Variants in CNTN5 observed in about 807,000 individuals in gnomAD.
The protein encoded by CNTN5 is contactin-5.
A neutral mutation model predicts 129.1 loss-of-function variants in CNTN5; 77 were observed. The ratio of observed to expected loss-of-function variants is 0.60; its 90% CI spans 0.50 to 0.72. The LOEUF is 0.72. Among genes scored for constraint, CNTN5 ranks in the 30% least tolerant of loss-of-function variants. The pLI is 0.00. For missense variants in CNTN5, 1,478 were observed against 1,328.8 expected, an observed-to-expected ratio of 1.11 and a Z score of -1.75; for synonymous variants, 509 against 465.6, an observed-to-expected ratio of 1.09 and a Z score of -1.20.
intron 6 of CNTN5, among the ~76,000 whole-genome samples, chr11:99,872,488 G>T (rs1265426622): frequency 1.3e-5 from 2 of 151,998 alleles, no homozygotes; most frequent in Non-Finnish European, 2.9e-5. Context: ...ATTCCCTAAG[G>T]ACAGCAGTTG....
intron 8 of CNTN5, among the ~76,000 whole-genome samples, chr11:99,997,015 T>A (rs1939494364): frequency 6.6e-6 from 1 of 152,134 alleles, no homozygotes; most frequent in Non-Finnish European, 1.5e-5. Context: ...CTCCCAAATC[T>A]CACATTCTTT....
chr11:99,609,231 TG>T (rs145673750), intron 3 of CNTN5, among the ~76,000 whole-genome samples: 17,617 of 152,186 alleles, frequency 0.12, 1,222 homozygotes, highest in Non-Finnish European at 0.16. Context: ...GATGTCTCTT[TG>T]TATTTGATAA....
intron 13 of CNTN5, among the ~76,000 whole-genome samples, chr11:100,080,023 A>G (rs905458868): frequency 6.6e-5 from 10 of 152,264 alleles, no homozygotes; most frequent in Non-Finnish European, 1.5e-4. Flanking sequence ...TCTTAGCTAA[A>G]ATGAAGAATA....
chr11:99,479,851 T>C (rs1945522342), intron 2 of CNTN5, among the ~76,000 whole-genome samples: 1 of 152,068 alleles, frequency 6.6e-6, no homozygotes, highest in South Asian at 2.1e-4. Context: ...TTTAGTTGGC[T>C]GACACATTTA....
At chr11:99,318,779 T>C (rs1169980458) in intron 1 of CNTN5, among the ~76,000 whole-genome samples, 8 of 152,194 alleles carry the variant, frequency 5.3e-5, no homozygotes, top group Admixed American at 3.3e-4. Context: ...CAGTGGGATG[T>C]AGTTAATCTG....
intron 2 of CNTN5, among the ~76,000 whole-genome samples, chr11:99,369,600 A>G (rs1306405274): frequency 6.6e-6 from 1 of 152,050 alleles, no homozygotes; most frequent in Non-Finnish European, 1.5e-5. Context: ...AAATTTGGAT[A>G]AATTATCTCA....
intron 2 of CNTN5, among the ~76,000 whole-genome samples, chr11:99,416,958 G>C (rs1316036801): frequency 6.6e-6 from 1 of 152,160 alleles, no homozygotes; most frequent in Non-Finnish European, 1.5e-5. Context: ...ACATTTTACT[G>C]AAAGTATCTG....
At chr11:100,009,999 A>ATT (rs1565785195) in intron 9 of CNTN5, among the ~76,000 whole-genome samples, 3 of 151,728 alleles carry the variant, frequency 2.0e-5, no homozygotes, top group Non-Finnish European at 4.4e-5. Context: ...CAATCTAGGG[A>ATT]CCTTAATGGA....
chr11:99,463,456 A>AAC (rs1354205463), intron 2 of CNTN5, among the ~76,000 whole-genome samples: 1 of 150,586 alleles, frequency 6.6e-6, no homozygotes, highest in African/African-American at 2.5e-5. Context: ...AAAAAAAAAA[A>AAC]AAACAATAGA....
At chr11:99,926,412 A>G (rs1322959753) in intron 7 of CNTN5, among the ~76,000 whole-genome samples, 1 of 152,226 alleles carries the variant, frequency 6.6e-6, no homozygotes, top group Non-Finnish European at 1.5e-5. Flanking sequence ...TCCTAAAATA[A>G]TAAATAAATA....
intron 3 of CNTN5, among the ~76,000 whole-genome samples, chr11:99,625,175 A>G (rs913617280): frequency 6.6e-6 from 1 of 152,182 alleles, no homozygotes; most frequent in Non-Finnish European, 1.5e-5. Context: ...CTCATCTGCT[A>G]TTGAATTTCA....
rs1174514111 is a variant in CNTN5 at position 99,764,410 on chromosome 11, GT to G, written c.56-55131del. ...AACACTGGAAATCAATTTTTTGTTG[GT>G]TTGTTTTTGTTTTTTGTTTTTGAGA... On this transcript the variant is annotated intron_variant, in intron 3 of 24. Coordinates refer to ENST00000524871, the MANE Select transcript of CNTN5 (RefSeq NM_014361.4). Among the ~76,000 whole-genome samples the G allele has an allele frequency of 2.6e-5, 4 of 151,770 alleles. No homozygotes were observed. The South Asian group carries it at 8.3e-4, about 32-fold the overall frequency.
intron 3 of CNTN5, among the ~76,000 whole-genome samples, chr11:99,714,278 C>T (rs548185809): frequency 5.3e-5 from 8 of 151,910 alleles, no homozygotes; most frequent in African/African-American, 1.9e-4. Context: ...TTCTTGTGTT[C>T]CTCTATAAAT....
chr11:99,924,200 T>C (rs1055318219), intron 7 of CNTN5, among the ~76,000 whole-genome samples: 5 of 152,222 alleles, frequency 3.3e-5, no homozygotes, highest in African/African-American at 7.2e-5. Context: ...GCTGAACATT[T>C]TTACATGGTT....
intron 3 of CNTN5, among the ~76,000 whole-genome samples, chr11:99,739,671 T>A (rs2135150656): frequency 6.6e-6 from 1 of 152,234 alleles, no homozygotes; most frequent in South Asian, 2.1e-4. Context: ...CAGTGCCCCC[T>A]GATGGGAAGA....
chr11:99,623,618 C>T (rs971561479), intron 3 of CNTN5, among the ~76,000 whole-genome samples: 4 of 151,756 alleles, frequency 2.6e-5, no homozygotes, highest in Non-Finnish European at 5.9e-5. Context: ...CCCAGGGTCT[C>T]GGGTCTAATC....
chr11:100,355,193 TTTTTA>T (rs1190331522), intron 24 of CNTN5, among the ~76,000 whole-genome samples: 1 of 151,814 alleles, frequency 6.6e-6, no homozygotes, highest in African/African-American at 2.4e-5. Flanking sequence ...TTTTTAATAT[TTTTTA>T]TTTTATTTTG....
At chr11:99,907,360 G>A (rs1949536496) in intron 6 of CNTN5, among the ~76,000 whole-genome samples, 1 of 151,982 alleles carries the variant, frequency 6.6e-6, no homozygotes, top group Non-Finnish European at 1.5e-5. Flanking sequence ...TGCTACTTAT[G>A]CTACAGCTCT....
intron 8 of CNTN5, among the ~76,000 whole-genome samples, chr11:99,961,608 G>T (rs563596433): frequency 1.8e-3 from 272 of 152,218 alleles, no homozygotes; most frequent in African/African-American, 6.3e-3. Flanking sequence ...CAATAAAGGG[G>T]ATTGAAGACA....
Sources: allele counts gnomAD v4.1 joint callset (sites outside exome capture counted in the v4.1 genomes callset), GRCh38; gene constraint gnomAD v4.1.1; transcripts MANE v1.5; gene names NCBI Gene and HGNC (gene_info 2026-07-23, HGNC 2026-07-21).